The following RNF157 variants were observed in gnomAD, a reference collection of about 807,000 sequenced individuals.
The protein encoded by RNF157 is E3 ubiquitin ligase RNF157.
Under a neutral mutation model 88.3 loss-of-function variants are expected in RNF157, and 55 were observed. That is an observed-to-expected ratio of 0.62 (90% CI 0.50 to 0.78). The LOEUF (loss-of-function observed/expected upper bound fraction) is 0.78. Among genes scored for constraint, RNF157 ranks in the 30% least tolerant of loss-of-function variants. RNF157 has a pLI of 0.00. For missense variants in RNF157, 788 were observed against 860.8 expected (o/e 0.92, Z 1.06); for synonymous variants, 334 against 341.2 (o/e 0.98, Z 0.23).
In RNF157 at chr17:76,204,575, T is replaced by C. The variant is rs144270104; in HGVS notation, c.207+7789A>G. ...GGACTAACAGAATCATGTTCTCTTT[T>C]TTTGCCACAAAGCTCTATAAGTGCA... On this transcript the variant is annotated intron_variant, in intron 2 of 18. Transcript: ENST00000269391. 6.1e-3 allele frequency among the ~76,000 whole-genome samples: 929 copies of C among 152,308 alleles called. 11 individuals are homozygous for C. The highest frequency in any genetic ancestry group is 0.021 in the African/African-American group (883 of 41,572).
intron 1 of RNF157, among the ~76,000 whole-genome samples, chr17:76,217,517 G>A (rs2069909661): frequency 1.3e-5 from 2 of 152,028 alleles, no homozygotes; most frequent in Admixed American, 1.3e-4. Flanking sequence ...GCACAGCTAT[G>A]TATAGCTACT....
intron 3 of RNF157, among the ~76,000 whole-genome samples, chr17:76,170,264 C>T (rs2068993730): frequency 1.3e-5 from 2 of 151,926 alleles, no homozygotes; most frequent in African/African-American, 4.8e-5. Flanking sequence ...GGGTCTCACT[C>T]TTGCCCAGGC....
chr17:76,236,377 T>G (rs1000309375), intron 1 of RNF157, among the ~76,000 whole-genome samples: 1 of 152,254 alleles, frequency 6.6e-6, no homozygotes, highest in Admixed American at 6.5e-5. Context: ...CGTGGATACT[T>G]CTGTCAAAAG....
intron 13 of RNF157, 132 bp downstream of exon 13, chr17:76,158,261 T>C: frequency 1.5e-6 from 1 of 685,882 alleles, no homozygotes; most frequent in Non-Finnish European, 2.7e-6. Flanking sequence ...GTGAAACCTT[T>C]GCCACTGCCT....
At chr17:76,227,927 A>G (rs1472146360) in intron 1 of RNF157, among the ~76,000 whole-genome samples, 4 of 152,142 alleles carry the variant, frequency 2.6e-5, no homozygotes, top group Non-Finnish European at 5.9e-5. Context: ...ATCTAGCTAT[A>G]TTTATTCCAG....
intron 1 of RNF157, chr17:76,226,791 A>T (rs1379959382): frequency 1.3e-6 from 2 of 1,559,802 alleles, no homozygotes; most frequent in African/African-American, 2.8e-5. Context: ...TTGCTCAGGA[A>T]GCTCATTTCG....
chr17:76,177,027 TGGCCCA>T (rs1278278392), intron 2 of RNF157, among the ~76,000 whole-genome samples: 2 of 151,948 alleles, frequency 1.3e-5, no homozygotes, highest in Non-Finnish European at 2.9e-5. Context: ...GCAGATGGCC[TGGCCCA>T]GGCCCAGGCC....
Position 76,176,756 on chromosome 17 carries a change from G to A in RNF157, c.208-2966C>T, listed in dbSNP as rs776157962. ...AAAGAGGAGCCCCGAGGCGGAGCTGGGCCTTGGCCAGTGTCCCGCTTGCTC... is the reference window on the plus strand; with the variant it reads ...AAAGAGGAGCCCCGAGGCGGAGCTGAGCCTTGGCCAGTGTCCCGCTTGCTC... On this transcript the variant is annotated intron_variant, in intron 2 of 18. Transcript: ENST00000269391. The surrounding 1 kb of genome is among the most constrained non-coding windows in gnomAD (Gnocchi z 4.2). Among the ~76,000 whole-genome samples the A allele has an allele frequency of 2.0e-5, 3 of 152,218 alleles. No homozygotes were observed. The highest frequency in any genetic ancestry group is 4.4e-5 in the Non-Finnish European group (3 of 68,032).
In RNF157 at chr17:76,176,338, G is replaced by C. The variant is rs558510460; in HGVS notation, c.208-2548C>G. Among the ~76,000 whole-genome samples, 1 of 152,222 alleles carries C rather than the reference G, an allele frequency of 6.6e-6. No individual in the cohort carries two copies. Among genetic ancestry groups the C allele is most frequent in the South Asian group, 2.1e-4 (1 of 4,826 alleles). ...CATGGAGGAGTTGGTAGTTGATCTG[G>C]GATCCTAAAGGATAAATGAAATTTG... On this transcript the variant is annotated intron_variant, in intron 2 of 18. Transcript: ENST00000269391. The surrounding 1 kb of genome is among the most constrained non-coding windows in gnomAD (Gnocchi z 4.2).
chr17:76,157,161 T>C lies in RNF157; in HGVS notation c.1414-840A>G, dbSNP rs998510199. 2.6e-5 allele frequency among the ~76,000 whole-genome samples: 4 copies of C among 152,024 alleles called. No homozygotes were observed. Among genetic ancestry groups the C allele is most frequent in the Admixed American group, 2.6e-4 (4 of 15,266 alleles). On this transcript the variant is annotated intron_variant, in intron 13 of 18. Coordinates refer to ENST00000269391, the MANE Select transcript of RNF157 (RefSeq NM_052916.3). This position sits in a 1 kb window ranked among gnomAD's most constrained non-coding sequence, Gnocchi z 5.6. Reference sequence around the variant, plus strand: ...TTTTGTATTTTTAGTAGAGACGGGGTTTCACCATGTTAGCCAGGATGGTCT... The same window carrying C: ...TTTTGTATTTTTAGTAGAGACGGGGCTTCACCATGTTAGCCAGGATGGTCT...
chr17:76,178,617 A>G (rs1271255371), intron 2 of RNF157, among the ~76,000 whole-genome samples: 1 of 152,232 alleles, frequency 6.6e-6, no homozygotes, highest in African/African-American at 2.4e-5. Context: ...CCAGCCAGAA[A>G]AGTGACACCC....
At chr17:76,145,997 C>T (rs1195592523) in intron 18 of RNF157, among the ~76,000 whole-genome samples, 1 of 152,160 alleles carries the variant, frequency 6.6e-6, no homozygotes, top group African/African-American at 2.4e-5. Flanking sequence ...CCAAGAGCCT[C>T]GGGGTCCCAC....
chr17:76,185,862 A>C (rs1462219422), intron 2 of RNF157, among the ~76,000 whole-genome samples: 1 of 152,170 alleles, frequency 6.6e-6, no homozygotes, highest in Non-Finnish European at 1.5e-5. Flanking sequence ...CACAAATTAG[A>C]ATACACTTTT....
At chr17:76,152,679 CCTTT>C (rs2068698847) in intron 17 of RNF157, 1 of 499,040 alleles carries the variant, frequency 2.0e-6, no homozygotes, top group South Asian at 2.1e-5. Context: ...TCCCTAGAGC[CCTTT>C]CTGTCTGCTG....
In RNF157 at chr17:76,145,304, C is replaced by CCG; in HGVS notation, c.1969_1970dup (p.Arg658GlyfsTer62). On this transcript the variant is annotated frameshift_variant, in exon 19 of 19. Coordinates refer to ENST00000269391, the MANE Select transcript of RNF157 (RefSeq NM_052916.3). LOFTEE classifies it high-confidence loss of function. ...CCTCCAGGCTGCTGGATGACAAGCGCCGGCGCTGGGCATTCCGACTGACGG... is the reference window on the plus strand; with the variant it reads ...CCTCCAGGCTGCTGGATGACAAGCGCCGCGGCGCTGGGCATTCCGACTGACGG... The CCG allele has an allele frequency of 6.2e-7, 1 of 1,612,344 alleles. No individual in the cohort carries two copies. The highest frequency in any genetic ancestry group is 8.5e-7 in the Non-Finnish European group (1 of 1,179,488).
At chr17:76,197,109 C>T (rs180966862) in intron 2 of RNF157, among the ~76,000 whole-genome samples, 71 of 139,904 alleles carry the variant, frequency 5.1e-4, no homozygotes, top group Middle Eastern at 3.4e-3. Flanking sequence ...GTGGATCACC[C>T]ACAGCCAGAT....
intron 3 of RNF157, among the ~76,000 whole-genome samples, chr17:76,169,667 C>A (rs2068983477): frequency 6.6e-6 from 1 of 150,630 alleles, no homozygotes; most frequent in Non-Finnish European, 1.5e-5. Context: ...GCAACCTCTG[C>A]CTCCTGGATT....
chr17:76,210,629 T>C lies in RNF157; in HGVS notation c.207+1735A>G, dbSNP rs1172745810. ...AGAAAGAAAGAAAGAAAGAGAACAA[T>C]GAAAACCAAAAAAATAATTATTTTT... On this transcript the variant is annotated intron_variant, in intron 2 of 18. Transcript: ENST00000269391. Among the ~76,000 whole-genome samples the C allele has an allele frequency of 5.0e-5, 6 of 119,384 alleles. No homozygotes were observed. In the East Asian group the frequency reaches 1.5e-3, roughly 29 times the overall value. The allele number at this position is 119,384 out of a possible 152,430, so 78.3% of individuals were successfully genotyped here.
intron 13 of RNF157, chr17:76,156,651 ATGATCAGCTTTCCTTC>A: frequency 2.2e-6 from 1 of 446,114 alleles, no homozygotes; most frequent in Non-Finnish European, 3.0e-6. Context: ...CCCCAGGATT[ATGATCAGCTTTCCTTC>A]TGCGGCAAAA....
Sources: gnomAD v4.1 joint callset for allele counts (sites outside exome capture counted in the v4.1 genomes callset) on GRCh38, gnomAD v4.1.1 for gene constraint, Gnocchi (gnomAD v3.1) non-coding constraint, MANE v1.5 for transcripts, NCBI Gene and HGNC (gene_info 2026-07-23, HGNC 2026-07-21) for gene names.